The following OPCML variants were observed in gnomAD, a reference collection of about 807,000 sequenced individuals.
OPCML encodes opioid binding protein/cell adhesion molecule like, also known as opioid-binding protein/cell adhesion molecule.
A neutral mutation model predicts 37.8 loss-of-function variants in OPCML; 13 were observed. The observed-to-expected ratio is 0.34, with a 90% confidence interval of 0.22 to 0.55. The LOEUF (loss-of-function observed/expected upper bound fraction) is 0.55, where lower values mean the gene tolerates loss of function less well. Among genes scored for constraint, OPCML ranks in the 20% least tolerant of loss-of-function variants. OPCML has a pLI of 0.91. For synonymous variants in OPCML, 176 were observed against 168.8 expected, an observed-to-expected ratio of 1.04 and a Z score of -0.33; for missense variants, 341 against 435.6, an observed-to-expected ratio of 0.78 and a Z score of 1.93.
chr11:133,401,560 AT>A, intron 1 of OPCML, among the ~76,000 whole-genome samples: 1 of 152,232 alleles, frequency 6.6e-6, no homozygotes, highest in Admixed American at 6.5e-5. Context: ...CTATTTCTAA[AT>A]GCTATGTTGA....
intron 2 of OPCML, among the ~76,000 whole-genome samples, chr11:132,932,431 G>A (rs1001336404): frequency 2.6e-5 from 4 of 152,084 alleles, no homozygotes; most frequent in African/African-American, 9.7e-5. Context: ...GTATACTGAT[G>A]TGAACCCTAA....
intron 1 of OPCML, among the ~76,000 whole-genome samples, chr11:133,482,267 C>G (rs1027978160): frequency 1.3e-5 from 2 of 152,062 alleles, no homozygotes; most frequent in African/African-American, 4.8e-5. Context: ...GGGAAGAGAA[C>G]ATCTGAGAGG....
At chr11:132,485,745 T>C (rs147017907) in intron 4 of OPCML, among the ~76,000 whole-genome samples, 182 of 152,382 alleles carry the variant, frequency 1.2e-3, no homozygotes, top group South Asian at 2.5e-3. Flanking sequence ...TTTCTTTTTA[T>C]TGCTGAGTAA....
At chr11:132,624,186 C>A (rs901391075) in intron 3 of OPCML, among the ~76,000 whole-genome samples, 2 of 152,124 alleles carry the variant, frequency 1.3e-5, no homozygotes, top group African/African-American at 2.4e-5. Flanking sequence ...GAAATAATAA[C>A]CTTATGGTTT....
At chr11:132,942,798 CG>C in intron 2 of OPCML, 127 bp downstream of exon 2, 2 of 1,202,664 alleles carry the variant, frequency 1.7e-6, no homozygotes, top group Non-Finnish European at 2.3e-6. Flanking sequence ...CGCAAGCGGG[CG>C]CCCCTCGGGC....
At chr11:133,164,018 T>G (rs1339224656) in intron 1 of OPCML, among the ~76,000 whole-genome samples, 1 of 152,218 alleles carries the variant, frequency 6.6e-6, no homozygotes, top group Non-Finnish European at 1.5e-5. Context: ...ACGCAACATT[T>G]CTACTTAAAA....
At chr11:132,964,332 G>T (rs764658763) in intron 1 of OPCML, among the ~76,000 whole-genome samples, 1 of 152,212 alleles carries the variant, frequency 6.6e-6, no homozygotes, top group Admixed American at 6.5e-5. Context: ...AGCAGATGTT[G>T]TTATGTAACA....
chr11:133,483,158 A>G, intron 1 of OPCML, among the ~76,000 whole-genome samples: 1 of 152,280 alleles, frequency 6.6e-6, no homozygotes, highest in East Asian at 1.9e-4. Flanking sequence ...AAAGAAAATT[A>G]TTTAGTAATT....
chr11:132,963,607 A>G (rs868125906), intron 1 of OPCML, among the ~76,000 whole-genome samples: 8 of 151,168 alleles, frequency 5.3e-5, no homozygotes, highest in Non-Finnish European at 1.2e-4. Context: ...AAAAAAAAAA[A>G]CTGTGGCTCT....
intron 4 of OPCML, among the ~76,000 whole-genome samples, chr11:132,480,246 A>G (rs540061638): frequency 3.0e-4 from 45 of 152,332 alleles, no homozygotes; most frequent in African/African-American, 1.1e-3. Context: ...AGCCGATGCA[A>G]TCAACTGGTA....
Position 132,631,483 on chromosome 11 carries a change from G to A in OPCML, c.379+25604C>T, listed in dbSNP as rs146650258. ...ATATATTTCTTTATTTTTTTGAGACGGAGTCTGGCTCTGTCCCCCAGGCTG... is the reference window on the plus strand; with the variant it reads ...ATATATTTCTTTATTTTTTTGAGACAGAGTCTGGCTCTGTCCCCCAGGCTG... On this transcript the variant is annotated intron_variant, in intron 3 of 7. Transcript: ENST00000524381. 2.8e-3 allele frequency among the ~76,000 whole-genome samples: 422 copies of A among 148,248 alleles called. 5 individuals carry two copies. The highest frequency in any genetic ancestry group is 9.1e-3 in the African/African-American group (366 of 40,276).
chr11:132,810,003 C>A (rs1038219801), intron 2 of OPCML, among the ~76,000 whole-genome samples: 3 of 152,114 alleles, frequency 2.0e-5, no homozygotes, highest in Non-Finnish European at 4.4e-5. Context: ...GCGCCCGCCA[C>A]CACGCCCGGC....
chr11:132,516,562 A>T (rs138793214), intron 4 of OPCML, among the ~76,000 whole-genome samples: 1 of 152,276 alleles, frequency 6.6e-6, no homozygotes, highest in East Asian at 1.9e-4. Context: ...CCTGCTCTCA[A>T]ATAACCTAAG....
chr11:133,015,769 T>C (rs1947321935), intron 1 of OPCML, among the ~76,000 whole-genome samples: 1 of 152,190 alleles, frequency 6.6e-6, no homozygotes, highest in African/African-American at 2.4e-5. Flanking sequence ...CAGCTGCAAC[T>C]GATCTTGGCT....
intron 1 of OPCML, among the ~76,000 whole-genome samples, chr11:133,192,485 C>A (rs953353610): frequency 6.6e-6 from 1 of 152,228 alleles, no homozygotes; most frequent in African/African-American, 2.4e-5. Context: ...ATTCTATTAC[C>A]CTTGCAGTTA....
chr11:132,550,988 G>T (rs1258007386), intron 3 of OPCML, among the ~76,000 whole-genome samples: 2 of 152,174 alleles, frequency 1.3e-5, no homozygotes. Flanking sequence ...AGTGAATCTG[G>T]CTCATTTACA....
At chr11:132,618,786 T>G (rs2137898654) in intron 3 of OPCML, among the ~76,000 whole-genome samples, 1 of 152,266 alleles carries the variant, frequency 6.6e-6, no homozygotes, top group South Asian at 2.1e-4. Context: ...TCCAGAACTT[T>G]CCCATCATTC....
intron 2 of OPCML, among the ~76,000 whole-genome samples, chr11:132,742,174 T>C (rs1343190992): frequency 6.6e-6 from 1 of 152,252 alleles, no homozygotes; most frequent in Non-Finnish European, 1.5e-5. Context: ...TCCACATGGC[T>C]ACTATTCCAA....
Position 133,203,776 on chromosome 11 carries a change from C to T in OPCML, c.62-260766G>A, listed in dbSNP as rs559673601. Among the ~76,000 whole-genome samples, 204 of 152,190 alleles carry T rather than the reference C, an allele frequency of 1.3e-3. 1 individual carries two copies. Among genetic ancestry groups the T allele is most frequent in the Admixed American group, 0.013 (196 of 15,280 alleles). ...GAATAATTTAAACAGATGCAAAGGA[C>T]GGCCGGGTGCCGTGGCTTACTCCTG... On this transcript the variant is annotated intron_variant, in intron 1 of 7. Coordinates refer to ENST00000524381, the MANE Select transcript of OPCML (RefSeq NM_001012393.5).
Sources: allele counts gnomAD v4.1 joint callset (sites outside exome capture counted in the v4.1 genomes callset), GRCh38; gene constraint gnomAD v4.1.1; transcripts MANE v1.5; gene names NCBI Gene and HGNC (gene_info 2026-07-23, HGNC 2026-07-21).